FRMD4B: variants seen among roughly 807,000 people sequenced by gnomAD.
FRMD4B encodes the protein FERM domain-containing protein 4B.
In FRMD4B, 74 loss-of-function variants were observed where a neutral mutation model predicts 141.5. The ratio of observed to expected loss-of-function variants is 0.52; its 90% CI spans 0.43 to 0.63. The LOEUF is 0.63. FRMD4B is among the 30% of genes least tolerant of loss of function. FRMD4B has a pLI of 0.00. For missense variants in FRMD4B, 1,366 were observed against 1,253.4 expected (o/e 1.09, Z -1.36); for synonymous variants, 506 against 467.9 (o/e 1.08, Z -1.05).
rs144137877 is a variant in FRMD4B, at chr3:69,418,015, A to G, written c.-1+14619T>C. ...TCACAGGGGTCTTGTGATGGTATGA[A>G]GGGCCCATACAGATAATCTAGAATA... On this transcript the variant is annotated intron_variant, in intron 2 of 5. Transcript: ENST00000459638. Among the ~76,000 whole-genome samples, 892 of 152,226 alleles carry G rather than the reference A, an allele frequency of 5.9e-3. 7 individuals are homozygous for G. Among genetic ancestry groups the G allele is most frequent in the African/African-American group, 0.02 (837 of 41,536 alleles).
intron 1 of FRMD4B, among the ~76,000 whole-genome samples, chr3:69,485,599 G>A (rs1252062089): frequency 3.9e-5 from 6 of 152,320 alleles, no homozygotes; most frequent in South Asian, 4.1e-4. Context: ...TAGGGCTCCC[G>A]CTTGTCCCTG....
intron 1 of FRMD4B, among the ~76,000 whole-genome samples, chr3:69,493,924 T>G (rs887894122): frequency 1.3e-5 from 2 of 152,158 alleles, no homozygotes; most frequent in Non-Finnish European, 1.5e-5. Flanking sequence ...AGTACTGGGG[T>G]GCAGTAGTGG....
Position 69,503,701 on chromosome 3 carries a change from A to G in FRMD4B, c.-129+38505T>C, listed in dbSNP as rs79778694. On this transcript the variant is annotated intron_variant, in intron 1 of 5. Coordinates refer to the FRMD4B transcript ENST00000459638. ...AAGTATAATAAAAACAAATAGAGAC[A>G]TAAACTTTGAATATGCTTCTCCATG... Among the ~76,000 whole-genome samples, 1,004 of 152,262 alleles carry G rather than the reference A, an allele frequency of 6.6e-3. 15 individuals carry two copies. Among genetic ancestry groups the G allele is most frequent in the African/African-American group, 0.024 (979 of 41,548 alleles).
At chr3:69,505,594 C>T (rs564830137) in intron 1 of FRMD4B, among the ~76,000 whole-genome samples, 21 of 152,226 alleles carry the variant, frequency 1.4e-4, no homozygotes, top group Middle Eastern at 3.4e-3. Flanking sequence ...TGGTTAATAT[C>T]CAGAAAAATA....
chr3:69,457,180 T>C (rs1204929197), intron 1 of FRMD4B, among the ~76,000 whole-genome samples: 1 of 152,270 alleles, frequency 6.6e-6, no homozygotes, highest in Non-Finnish European at 1.5e-5. Flanking sequence ...TATTTATTCA[T>C]GTTTACCAAT....
intron 5 of FRMD4B, among the ~76,000 whole-genome samples, chr3:69,272,430 G>A (rs937227252): frequency 1.3e-5 from 2 of 152,226 alleles, no homozygotes; most frequent in Admixed American, 6.5e-5. Flanking sequence ...AAAGTGCTGG[G>A]ATTACAGGCA....
At chr3:69,251,902 A>G (rs1160575762) in intron 5 of FRMD4B, among the ~76,000 whole-genome samples, 1 of 152,240 alleles carries the variant, frequency 6.6e-6, no homozygotes, top group Non-Finnish European at 1.5e-5. Flanking sequence ...AACTCACGGC[A>G]AGGGAGGAGG....
chr3:69,457,211 A>T (rs1705633261), intron 1 of FRMD4B, among the ~76,000 whole-genome samples: 1 of 152,248 alleles, frequency 6.6e-6, no homozygotes, highest in Non-Finnish European at 1.5e-5. Context: ...GTCCACAGCA[A>T]GCAAAAATTT....
intron 21 of FRMD4B, among the ~76,000 whole-genome samples, chr3:69,179,305 C>A (rs1367379452): frequency 2.0e-5 from 3 of 152,128 alleles, no homozygotes; most frequent in African/African-American, 4.8e-5. Context: ...CCAGGCACCA[C>A]CCCAGCCCTG....
intron 1 of FRMD4B, among the ~76,000 whole-genome samples, chr3:69,443,647 T>G (rs1705370855): frequency 6.6e-6 from 1 of 152,226 alleles, no homozygotes; most frequent in African/African-American, 2.4e-5. Flanking sequence ...AAGAGAAATC[T>G]GACACAGCCA....
In FRMD4B at chr3:69,216,353, G is replaced by A. The variant is rs1383497725; in HGVS notation, c.790-4C>T. ...ACCAAGGAAGTCCTTGCTTATCCTA[G>A]AAGATGAAAAAGCATGAGAACCAAG... is the stretch of plus-strand genomic sequence containing the variant. On this transcript the variant is annotated splice_polypyrimidine_tract_variant and splice_region_variant and intron_variant, in intron 10 of 22. Transcript: ENST00000398540. 1 of 1,495,594 alleles carries A rather than the reference G, an allele frequency of 6.7e-7. No homozygotes were observed. The highest frequency in any genetic ancestry group is 2.4e-5 in the East Asian group (1 of 42,526). 92.6% of individuals were successfully genotyped at this position (1,495,594 alleles called of 1,614,324 possible). A position where few individuals can be genotyped will look rare whatever the true frequency, so the allele number is the denominator to read the frequency against.
intron 1 of FRMD4B, among the ~76,000 whole-genome samples, chr3:69,443,796 G>A (rs963487669): frequency 6.6e-6 from 1 of 152,148 alleles, no homozygotes; most frequent in African/African-American, 2.4e-5. Flanking sequence ...AAACTAAACT[G>A]CCTTTGTAAA....
At chr3:69,384,664 TTATACAAA>T (rs1008394900) in intron 1 of FRMD4B, among the ~76,000 whole-genome samples, 1 of 152,216 alleles carries the variant, frequency 6.6e-6, no homozygotes, top group African/African-American at 2.4e-5. Context: ...CACAGATATG[TTATACAAA>T]GCAGAAGCAG....
intron 1 of FRMD4B, among the ~76,000 whole-genome samples, chr3:69,330,790 C>T (rs1405981082): frequency 2.0e-5 from 3 of 152,178 alleles, no homozygotes; most frequent in Admixed American, 2.0e-4. Context: ...TGCCACCACG[C>T]CCGGCCTCTT....
chr3:69,254,994 A>G (rs2093484377), intron 5 of FRMD4B, among the ~76,000 whole-genome samples: 2 of 152,210 alleles, frequency 1.3e-5, no homozygotes, highest in Admixed American at 1.3e-4. Flanking sequence ...AGAGGTTCCA[A>G]CGTACAGGAG....
At chr3:69,458,849 TA>T (rs35229515) in intron 1 of FRMD4B, among the ~76,000 whole-genome samples, 2,307 of 82,140 alleles carry the variant, frequency 0.028, 61 homozygotes, top group African/African-American at 0.1. Flanking sequence ...ATGGGCTGCT[TA>T]AAAAAAAAAA....
chr3:69,385,691 C>T lies in FRMD4B; in HGVS notation c.162+137G>A, dbSNP rs1020383632. 1.3e-5 allele frequency: 9 copies of T among 679,150 alleles called. No homozygotes were observed. The African/African-American group carries it at 1.5e-4, about 11-fold the overall frequency. 42.1% of individuals were successfully genotyped at this position (679,150 alleles called of 1,614,324 possible). A position where few individuals can be genotyped will look rare whatever the true frequency, so the allele number is the denominator to read the frequency against. On this transcript the variant is annotated intron_variant, in intron 1 of 22. Transcript: ENST00000398540. ...GCAATAATTACCTAGAGCTGCTGAG[C>T]GTTTGACCCAAGGGCCAAGCAGTCT...
intron 1 of FRMD4B, among the ~76,000 whole-genome samples, chr3:69,339,184 T>C (rs34609588): frequency 0.3 from 44,978 of 151,950 alleles, 7,803 homozygotes; most frequent in Non-Finnish European, 0.39. Context: ...TTTTTTCCTA[T>C]GAGATTTAAC....
chr3:69,352,553 A>G (rs1318948665), intron 1 of FRMD4B, among the ~76,000 whole-genome samples: 1 of 152,090 alleles, frequency 6.6e-6, no homozygotes, highest in African/African-American at 2.4e-5. Flanking sequence ...TTTTACCCAG[A>G]TATTCCTCCC....
Sources: allele counts gnomAD v4.1 joint callset (sites outside exome capture counted in the v4.1 genomes callset), GRCh38; gene constraint gnomAD v4.1.1; transcripts MANE v1.5; gene names NCBI Gene and HGNC (gene_info 2026-07-23, HGNC 2026-07-21).